NRG3: variants seen among roughly 807,000 people sequenced by gnomAD.
NRG3 encodes the protein pro-neuregulin-3, membrane-bound isoform.
Under a neutral mutation model 66.9 loss-of-function variants are expected in NRG3, and 31 were observed. The observed-to-expected ratio is 0.46, with a 90% confidence interval of 0.35 to 0.63. The LOEUF is 0.63. NRG3 is among the 20% of genes least tolerant of loss of function. The pLI is 0.00. For synonymous variants in NRG3, 393 were observed against 359.4 expected, an observed-to-expected ratio of 1.09 and a Z score of -1.06; for missense variants, 910 against 878.9, an observed-to-expected ratio of 1.04 and a Z score of -0.45.
intron 1 of NRG3, chr10:82,225,410 G>C (rs2076122492): frequency 6.6e-6 from 1 of 152,176 alleles, no homozygotes; most frequent in African/African-American, 2.4e-5. Context: ...TTGATTGGTA[G>C]ATATTATTGT....
chr10:82,622,486 G>T (rs2049107584), intron 2 of NRG3, among the ~76,000 whole-genome samples: 1 of 152,160 alleles, frequency 6.6e-6, no homozygotes, highest in African/African-American at 2.4e-5. Context: ...CCTAAAAACA[G>T]AAATTATACA....
chr10:82,210,793 A>G (rs2075356846), intron 1 of NRG3, among the ~76,000 whole-genome samples: 1 of 152,190 alleles, frequency 6.6e-6, no homozygotes, highest in Non-Finnish European at 1.5e-5. Flanking sequence ...AAAATTGAGC[A>G]TATTTATGCC....
intron 2 of NRG3, among the ~76,000 whole-genome samples, chr10:82,426,035 G>A (rs973458158): frequency 2.6e-5 from 4 of 152,102 alleles, no homozygotes; most frequent in Non-Finnish European, 5.9e-5. Context: ...AAGGTAAAAC[G>A]GGTTTTGCTA....
intron 1 of NRG3, among the ~76,000 whole-genome samples, chr10:82,332,309 A>G (rs949905329): frequency 1.1e-4 from 16 of 152,112 alleles, no homozygotes; most frequent in African/African-American, 3.9e-4. Context: ...TACGCCTCAC[A>G]TTTGTGTAGC....
chr10:82,680,209 G>A (rs1017192700), intron 2 of NRG3, among the ~76,000 whole-genome samples: 1 of 152,112 alleles, frequency 6.6e-6, no homozygotes, highest in Non-Finnish European at 1.5e-5. Flanking sequence ...ATTGAGGAAT[G>A]GAAGACATAT....
intron 2 of NRG3, among the ~76,000 whole-genome samples, chr10:82,612,992 CAG>C: frequency 6.6e-6 from 1 of 152,204 alleles, no homozygotes; most frequent in African/African-American, 2.4e-5. Flanking sequence ...TCTAGGTCCT[CAG>C]AATTTTTATA....
intron 1 of NRG3, among the ~76,000 whole-genome samples, chr10:81,933,877 T>G (rs2133025283): frequency 6.6e-6 from 1 of 152,354 alleles, no homozygotes; most frequent in Non-Finnish European, 1.5e-5. Flanking sequence ...ATTATGTTAT[T>G]CTACAATAAT....
At chr10:82,894,618 T>C (rs1843471965) in intron 4 of NRG3, among the ~76,000 whole-genome samples, 1 of 152,216 alleles carries the variant, frequency 6.6e-6, no homozygotes, top group Non-Finnish European at 1.5e-5. Flanking sequence ...TTGTATAAAT[T>C]TGTATTTTTC....
At chr10:82,576,383 A>T (rs2046035779) in intron 2 of NRG3, among the ~76,000 whole-genome samples, 1 of 151,144 alleles carries the variant, frequency 6.6e-6, no homozygotes, top group Admixed American at 6.6e-5. Flanking sequence ...AAAAAAAAAT[A>T]ATTCCTGCTC....
At chr10:82,438,946 A>G (rs1468496308) in intron 2 of NRG3, among the ~76,000 whole-genome samples, 2 of 149,592 alleles carry the variant, frequency 1.3e-5, no homozygotes, top group South Asian at 4.2e-4. Flanking sequence ...TTTTTTTCAT[A>G]TGAGTCTCTG....
chr10:82,202,544 A>G (rs35071290), intron 1 of NRG3, among the ~76,000 whole-genome samples: 5,206 of 152,298 alleles, frequency 0.034, 114 homozygotes, highest in Non-Finnish European at 0.05. Flanking sequence ...GTAAACTTAC[A>G]TTATTTTCTA....
intron 1 of NRG3, among the ~76,000 whole-genome samples, chr10:82,246,316 T>G (rs1445103877): frequency 6.6e-6 from 1 of 152,202 alleles, no homozygotes; most frequent in East Asian, 1.9e-4. Context: ...ATGCTTGATA[T>G]GCCTCATTTT....
At chr10:81,876,925 G>A (rs1252779694) in intron 1 of NRG3, among the ~76,000 whole-genome samples, 1 of 152,012 alleles carries the variant, frequency 6.6e-6, no homozygotes, top group Admixed American at 6.5e-5. Context: ...CCTGACGAAG[G>A]AGGAGTTTTT....
At position 82,666,090 on chromosome 10, in the gene NRG3, G is replaced by A. The variant is rs565760083; in HGVS notation, c.954-72487G>A. On this transcript the variant is annotated intron_variant, in intron 2 of 8. Transcript: ENST00000372141. ...CTGGTCAGGCTGGTCTCGATCTCCC[G>A]ACCTCAGGTGATCCACCCGCCTTTG... Among the ~76,000 whole-genome samples the A allele has an allele frequency of 1.3e-4, 20 of 152,164 alleles. No individual in the cohort carries two copies. In the South Asian group the frequency reaches 2.5e-3, roughly 19 times the overall value.
At chr10:82,897,652 G>T (rs1448540073) in intron 4 of NRG3, among the ~76,000 whole-genome samples, 1 of 152,118 alleles carries the variant, frequency 6.6e-6, no homozygotes, top group Non-Finnish European at 1.5e-5. Flanking sequence ...CCGAGTAGCT[G>T]GGATTATAGA....
intron 2 of NRG3, among the ~76,000 whole-genome samples, chr10:82,503,620 G>T (rs1844404019): frequency 6.6e-6 from 1 of 152,162 alleles, no homozygotes; most frequent in South Asian, 2.1e-4. Context: ...ATTTAGAAAG[G>T]TAGTTTCCAG....
intron 4 of NRG3, among the ~76,000 whole-genome samples, chr10:82,949,895 T>C (rs886301434): frequency 2.0e-5 from 3 of 151,628 alleles, no homozygotes; most frequent in Non-Finnish European, 4.4e-5. Flanking sequence ...AAAAAGATCC[T>C]GATTTAGAAA....
intron 4 of NRG3, among the ~76,000 whole-genome samples, chr10:82,896,246 C>A (rs1285535842): frequency 1.3e-5 from 2 of 152,200 alleles, no homozygotes; most frequent in Non-Finnish European, 2.9e-5. Flanking sequence ...ATGCTCACAA[C>A]CAGCACCTGA....
intron 4 of NRG3, among the ~76,000 whole-genome samples, chr10:82,917,501 A>G (rs1367842160): frequency 1.3e-5 from 2 of 152,060 alleles, no homozygotes; most frequent in Non-Finnish European, 2.9e-5. Context: ...TTCCTAGTTA[A>G]CCTGTAGCAG....
Sources: gnomAD v4.1 joint callset for allele counts (sites outside exome capture counted in the v4.1 genomes callset) on GRCh38, gnomAD v4.1.1 for gene constraint, MANE v1.5 for transcripts, NCBI Gene and HGNC (gene_info 2026-07-23, HGNC 2026-07-21) for gene names.